The following SCEL variants were observed in gnomAD, a reference collection of about 807,000 sequenced individuals.
SCEL encodes sciellin.
In SCEL, 113 loss-of-function variants were observed where a neutral mutation model predicts 117.6. The observed-to-expected ratio is 0.96, with a 90% confidence interval of 0.83 to 1.12. The LOEUF (loss-of-function observed/expected upper bound fraction) is 1.12. Among genes scored for constraint, SCEL ranks in the 50% most tolerant of loss-of-function variants. The pLI is 0.00. For synonymous variants in SCEL, 270 were observed against 256.2 expected, an observed-to-expected ratio of 1.05 and a Z score of -0.51; for missense variants, 785 against 810.8, an observed-to-expected ratio of 0.97 and a Z score of 0.39.
intron 18 of SCEL, 108 bp from the exon 19 acceptor site, chr13:77,604,248 A>G: frequency 1.6e-6 from 1 of 639,624 alleles, no homozygotes; most frequent in Non-Finnish European, 2.6e-6. Flanking sequence ...ATTTACATTG[A>G]TATAGAAAAC....
At chr13:77,623,030 A>G (rs911569913) in intron 27 of SCEL, among the ~76,000 whole-genome samples, 1 of 152,228 alleles carries the variant, frequency 6.6e-6, no homozygotes, top group African/African-American at 2.4e-5. Context: ...CCGCCATGAA[A>G]GGGGTTTGGA....
At chr13:77,553,361 A>G (rs1051192362) in intron 1 of SCEL, among the ~76,000 whole-genome samples, 6 of 152,174 alleles carry the variant, frequency 3.9e-5, no homozygotes, top group Admixed American at 3.9e-4. Flanking sequence ...ATCATTAATT[A>G]TGCATTCAGC....
chr13:77,618,276 G>A (rs972106348), intron 27 of SCEL, among the ~76,000 whole-genome samples: 2 of 151,906 alleles, frequency 1.3e-5, no homozygotes, highest in Non-Finnish European at 1.5e-5. Context: ...AAAATCCTGG[G>A]TTCAGGTGGT....
chr13:77,559,013 T>G (rs2084824480), intron 3 of SCEL, among the ~76,000 whole-genome samples: 1 of 152,150 alleles, frequency 6.6e-6, no homozygotes, highest in South Asian at 2.1e-4. Flanking sequence ...TCAGTTCCAC[T>G]GTACAAAGTA....
At chr13:77,573,949 C>T (rs1009287237) in intron 9 of SCEL, among the ~76,000 whole-genome samples, 10 of 152,150 alleles carry the variant, frequency 6.6e-5, no homozygotes, top group African/African-American at 2.2e-4. Flanking sequence ...AAGGAGCTAT[C>T]TAAGTGGGGA....
At chr13:77,618,922 A>T (rs1271516332) in intron 27 of SCEL, among the ~76,000 whole-genome samples, 2 of 152,168 alleles carry the variant, frequency 1.3e-5, no homozygotes, top group African/African-American at 4.8e-5. Flanking sequence ...TACCAATTTT[A>T]ACCATAAGCT....
intron 21 of SCEL, among the ~76,000 whole-genome samples, chr13:77,609,507 G>A (rs907883116): frequency 6.6e-6 from 1 of 152,134 alleles, no homozygotes; most frequent in African/African-American, 2.4e-5. Flanking sequence ...TTCTGTTTGG[G>A]CTTCAGTTTC....
intron 3 of SCEL, among the ~76,000 whole-genome samples, chr13:77,558,677 G>A (rs1021187416): frequency 2.6e-5 from 4 of 151,856 alleles, no homozygotes; most frequent in East Asian, 1.9e-4. Flanking sequence ...TTAGCCGGGC[G>A]TGTTGGCGGG....
At chr13:77,605,231 G>C (rs1336539604) in intron 19 of SCEL, among the ~76,000 whole-genome samples, 1 of 104,262 alleles carries the variant, frequency 9.6e-6, no homozygotes, top group East Asian at 2.6e-4. Context: ...ATTCTAACAT[G>C]TGTCATGGAT....
chr13:77,629,634 G>T (rs2089937495), intron 28 of SCEL, among the ~76,000 whole-genome samples: 1 of 152,150 alleles, frequency 6.6e-6, no homozygotes, highest in Non-Finnish European at 1.5e-5. Flanking sequence ...AAGCTTTGCT[G>T]AAAAATCAAC....
intron 29 of SCEL, among the ~76,000 whole-genome samples, chr13:77,634,729 A>G (rs912186826): frequency 6.6e-6 from 1 of 152,260 alleles, no homozygotes; most frequent in Non-Finnish European, 1.5e-5. Flanking sequence ...ATAAATGTAT[A>G]TAACTATATG....
intron 28 of SCEL, among the ~76,000 whole-genome samples, chr13:77,628,704 AT>A (rs2089889950): frequency 6.6e-6 from 1 of 152,076 alleles, no homozygotes; most frequent in Admixed American, 6.6e-5. Context: ...CTTTTCTATT[AT>A]TTTTTCTATG....
chr13:77,542,637 T>G (rs748413137), intron 1 of SCEL, among the ~76,000 whole-genome samples: 5 of 152,228 alleles, frequency 3.3e-5, no homozygotes, highest in Admixed American at 6.5e-5. Flanking sequence ...GGCTGTGTAT[T>G]CAGGCTAAAC....
chr13:77,556,027 T>C, intron 2 of SCEL, 109 bp downstream of exon 2: 1 of 730,830 alleles, frequency 1.4e-6, no homozygotes, highest in Non-Finnish European at 2.3e-6. Flanking sequence ...AACAACAGTC[T>C]AATTTAATTA....
At chr13:77,551,053 T>C (rs901586567) in intron 1 of SCEL, among the ~76,000 whole-genome samples, 1 of 152,194 alleles carries the variant, frequency 6.6e-6, no homozygotes, top group Middle Eastern at 3.2e-3. Context: ...AGCAGCCTAG[T>C]CTTGCAGTGA....
intron 9 of SCEL, among the ~76,000 whole-genome samples, chr13:77,576,301 C>T (rs111993097): frequency 7.9e-5 from 4 of 50,502 alleles, no homozygotes; most frequent in African/African-American, 1.7e-4. Context: ...TATTGTGTTT[C>T]GAGAACCAGC....
At chr13:77,609,202 C>T (rs2088457489) in intron 21 of SCEL, 85 bp downstream of exon 21, 1 of 1,057,984 alleles carries the variant, frequency 9.5e-7, no homozygotes, top group African/African-American at 1.6e-5. Flanking sequence ...CTGACTGATG[C>T]TGAACCCAAT....
At chr13:77,639,927 T>C (rs1292753495) in intron 30 of SCEL, among the ~76,000 whole-genome samples, 1 of 152,134 alleles carries the variant, frequency 6.6e-6, no homozygotes, top group African/African-American at 2.4e-5. Context: ...TTTCTTAAGG[T>C]TCTGGTGTGA....
chr13:77,641,041 G>GA (rs541197621), intron 31 of SCEL, among the ~76,000 whole-genome samples: 3 of 151,582 alleles, frequency 2.0e-5, no homozygotes, highest in South Asian at 2.1e-4. Flanking sequence ...AAATCTGTGG[G>GA]AAAAAAAACC....
Sources: gnomAD v4.1 joint callset for allele counts (sites outside exome capture counted in the v4.1 genomes callset) on GRCh38, gnomAD v4.1.1 for gene constraint, MANE v1.5 for transcripts, NCBI Gene and HGNC (gene_info 2026-07-23, HGNC 2026-07-21) for gene names.